Variants in NSD2 observed in about 807,000 individuals in gnomAD.
NSD2 encodes the protein histone-lysine N-methyltransferase NSD2.
Under a neutral mutation model 139.0 loss-of-function variants are expected in NSD2, and 12 were observed. The observed-to-expected ratio is 0.09, with a 90% CI of 0.06 to 0.14. The LOEUF (loss-of-function observed/expected upper bound fraction) is 0.14, where lower values mean the gene tolerates loss of function less well. Ranked by LOEUF, NSD2 falls within the 10% of genes least tolerant of loss-of-function variation. The pLI, the probability that NSD2 is intolerant of heterozygous loss-of-function variation, is 1.00. For synonymous variants in NSD2, 669 were observed against 648.7 expected (o/e 1.03, Z -0.48); for missense variants, 1,155 against 1,745.0 (o/e 0.66, Z 6.02).
intron 9 of NSD2, chr4:1,940,127 G>A (rs1722935958): frequency 8.7e-7 from 1 of 1,146,962 alleles, no homozygotes; most frequent in Non-Finnish European, 1.1e-6. Flanking sequence ...GTCTGCGTTG[G>A]TTCTGAAAGG....
chr4:1,914,481 A>G (rs532367368), intron 3 of NSD2, among the ~76,000 whole-genome samples: 3 of 151,348 alleles, frequency 2.0e-5, no homozygotes, highest in African/African-American at 4.9e-5. Flanking sequence ...ACACGCCACC[A>G]TGCCTGACTA....
At chr4:1,938,023 C>T (rs1413242655) in intron 7 of NSD2, among the ~76,000 whole-genome samples, 1 of 152,190 alleles carries the variant, frequency 6.6e-6, no homozygotes, top group Non-Finnish European at 1.5e-5. Flanking sequence ...CTTGATTGGG[C>T]ACCTCTTGAA....
chr4:1,919,501 C>G (rs546901943), intron 5 of NSD2, among the ~76,000 whole-genome samples: 2 of 152,302 alleles, frequency 1.3e-5, no homozygotes, highest in East Asian at 1.9e-4. Context: ...TTCCCCACTT[C>G]CCACTTTTGG....
chr4:1,891,243 A>G (rs1715516324), intron 1 of NSD2, among the ~76,000 whole-genome samples: 1 of 152,210 alleles, frequency 6.6e-6, no homozygotes, highest in African/African-American at 2.4e-5. Flanking sequence ...TCATTCAGTG[A>G]TAGCAGGGCT....
intron 3 of NSD2, among the ~76,000 whole-genome samples, chr4:1,909,422 C>T (rs2108774859): frequency 6.6e-6 from 1 of 152,260 alleles, no homozygotes; most frequent in East Asian, 1.9e-4. Context: ...CCAAGCAGTG[C>T]TGAGCCCTTG....
intron 1 of NSD2, among the ~76,000 whole-genome samples, chr4:1,885,073 G>C (rs563676117): frequency 6.6e-6 from 1 of 151,222 alleles, no homozygotes; most frequent in South Asian, 2.1e-4. Flanking sequence ...TCATGCCATT[G>C]TATTCCAGCC....
intron 1 of NSD2, chr4:1,892,311 CTGT>C (rs1204129992): frequency 6.6e-6 from 1 of 152,172 alleles, no homozygotes; most frequent in East Asian, 2.0e-4. Flanking sequence ...TGAATGGTGA[CTGT>C]TGTTGTCCAT....
intron 1 of NSD2, among the ~76,000 whole-genome samples, chr4:1,889,601 A>C (rs1437319633): frequency 1.3e-5 from 2 of 151,652 alleles, no homozygotes; most frequent in East Asian, 3.9e-4. Flanking sequence ...TCCTGAGTTC[A>C]AGCGATTCTC....
Position 1,979,128 on chromosome 4 carries a change from C to T in NSD2, c.*219C>T. ...GACCGTCTGAGCCCAGCTCAGCGTT[C>T]CTGGACAAACAGCCTCACTCCTCAG... On this transcript the variant is annotated 3_prime_UTR_variant, in exon 22 of 22. Coordinates refer to ENST00000508803, the MANE Select transcript of NSD2 (RefSeq NM_001042424.3). 2 of 475,898 alleles carry T rather than the reference C, an allele frequency of 4.2e-6. No individual in the cohort carries two copies. The highest frequency in any genetic ancestry group is 3.5e-6 in the Non-Finnish European group (1 of 283,938). 29.5% of individuals were successfully genotyped at this position (475,898 alleles called of 1,614,324 possible).
In NSD2 at chr4:1,980,630, C is replaced by T. The variant is rs1022605699; in HGVS notation, c.*1721C>T. On this transcript the variant is annotated 3_prime_UTR_variant, in exon 22 of 22. Transcript: ENST00000508803. ...AGGGGTGTGTGGCCCTGCAGGGTCC[C>T]ACGCCTCCCTGAGCACTGACTGGAA... The T allele has an allele frequency of 3.9e-5, 9 of 233,058 alleles. No individual in the cohort carries two copies. Among genetic ancestry groups the T allele is most frequent in the African/African-American group, 6.6e-5 (3 of 45,308 alleles). 14.4% of individuals were successfully genotyped at this position (233,058 alleles called of 1,614,324 possible).
chr4:1,875,233 A>C (rs191498015), intron 1 of NSD2, among the ~76,000 whole-genome samples: 1 of 151,000 alleles, frequency 6.6e-6, no homozygotes, highest in Admixed American at 6.6e-5. Flanking sequence ...TACTGGGATT[A>C]CAAGTGTGAA....
chr4:1,938,401 C>CTTTTTTTTTCTTTTTTTTTTTTTT (rs1722674160), intron 7 of NSD2, 50 bp from the exon 8 acceptor site: 2 of 878,162 alleles, frequency 2.3e-6, no homozygotes, highest in African/African-American at 2.8e-5. Context: ...TTTTTCTTTT[C>CTTTTTTTTTCTTTTTTTTTTTTTT]TTTTTTTTTT....
At chr4:1,872,614 G>A (rs1577341114) in intron 1 of NSD2, among the ~76,000 whole-genome samples, 1 of 144,952 alleles carries the variant, frequency 6.9e-6, no homozygotes, top group East Asian at 2.2e-4. Flanking sequence ...GAGAGAGAGA[G>A]AGAGAGAGAG....
At chr4:1,947,462 A>T in intron 9 of NSD2, 1 of 1,058,922 alleles carries the variant, frequency 9.4e-7, no homozygotes. Flanking sequence ...CCCAGCCCTG[A>T]CCCTAGAATT....
intron 1 of NSD2, among the ~76,000 whole-genome samples, chr4:1,886,793 C>T (rs1159815474): frequency 2.0e-5 from 3 of 151,854 alleles, no homozygotes; most frequent in South Asian, 4.2e-4. Flanking sequence ...GAGCTGAGAT[C>T]GCGCCACTGC....
At chr4:1,882,117 C>T (rs890496694) in intron 1 of NSD2, among the ~76,000 whole-genome samples, 3 of 152,250 alleles carry the variant, frequency 2.0e-5, no homozygotes, top group South Asian at 2.1e-4. Flanking sequence ...GGGAAGGTTC[C>T]GGAAGAGTGT....
chr4:1,927,489 G>A (rs1031454932), intron 5 of NSD2, among the ~76,000 whole-genome samples: 7 of 152,100 alleles, frequency 4.6e-5, no homozygotes, highest in Admixed American at 3.9e-4. Context: ...AGGCCATGGC[G>A]GGCAGATCAC....
rs1010652919 is a variant in NSD2 at position 1,976,056 on chromosome 4, G to A, written c.3622-419G>A. ...GTCTGTCCTCAGCCGTGTTGCTGAG[G>A]ATGGTCACTGCCCTCAGGTCACTGC... On this transcript the variant is annotated intron_variant, in intron 20 of 21. Transcript: ENST00000508803. This position sits in a 1 kb window ranked among gnomAD's most constrained non-coding sequence, Gnocchi z 5.3. Among the ~76,000 whole-genome samples the A allele has an allele frequency of 6.6e-6, 1 of 152,160 alleles. No individual in the cohort carries two copies. Among genetic ancestry groups the A allele is most frequent in the African/African-American group, 2.4e-5 (1 of 41,436 alleles).
At chr4:1,904,815 A>G (rs558721650) in intron 3 of NSD2, among the ~76,000 whole-genome samples, 1 of 152,170 alleles carries the variant, frequency 6.6e-6, no homozygotes, top group Non-Finnish European at 1.5e-5. Context: ...TGATTTTTAC[A>G]TGGAGCGGCT....
Sources: allele counts gnomAD v4.1 joint callset (sites outside exome capture counted in the v4.1 genomes callset), GRCh38; gene constraint gnomAD v4.1.1; non-coding constraint Gnocchi (gnomAD v3.1); transcripts MANE v1.5; gene names NCBI Gene and HGNC (gene_info 2026-07-23, HGNC 2026-07-21).